PRKCE: variants seen among roughly 807,000 people sequenced by gnomAD.
PRKCE encodes protein kinase C epsilon, also known as protein kinase C epsilon type.
In PRKCE, 16 loss-of-function variants were observed where a neutral mutation model predicts 85.4. The ratio of observed to expected loss-of-function variants is 0.19; its 90% CI spans 0.13 to 0.28. The LOEUF is 0.28. Ranked by LOEUF, PRKCE falls within the 10% of genes least tolerant of loss-of-function variation. PRKCE has a pLI of 1.00. For synonymous variants in PRKCE, 388 were observed against 371.5 expected, an observed-to-expected ratio of 1.04 and a Z score of -0.51; for missense variants, 573 against 975.2, an observed-to-expected ratio of 0.59 and a Z score of 5.49.
intron 2 of PRKCE, among the ~76,000 whole-genome samples, chr2:45,963,045 G>T (rs1199074048): frequency 6.6e-6 from 1 of 152,170 alleles, no homozygotes; most frequent in Non-Finnish European, 1.5e-5. Flanking sequence ...TCTGTGGAAA[G>T]ACTTGGGGCT....
At chr2:46,116,172 T>C (rs1349018453) in intron 11 of PRKCE, among the ~76,000 whole-genome samples, 1 of 152,194 alleles carries the variant, frequency 6.6e-6, no homozygotes, top group African/African-American at 2.4e-5. Flanking sequence ...TCAGAGACCA[T>C]GACCTCACCT....
intron 1 of PRKCE, among the ~76,000 whole-genome samples, chr2:45,736,566 T>A (rs1682080397): frequency 6.6e-6 from 1 of 152,190 alleles, no homozygotes; most frequent in South Asian, 2.1e-4. Flanking sequence ...TGGAGTCTAC[T>A]CCTCGCTCTG....
intron 11 of PRKCE, among the ~76,000 whole-genome samples, chr2:46,141,663 G>T (rs1320748954): frequency 6.6e-6 from 1 of 152,074 alleles, no homozygotes; most frequent in African/African-American, 2.4e-5. Flanking sequence ...TATTGGGAAA[G>T]AAATTTTGCT....
chr2:45,722,503 C>A (rs1248158242), intron 1 of PRKCE, among the ~76,000 whole-genome samples: 2 of 152,222 alleles, frequency 1.3e-5, no homozygotes, highest in African/African-American at 2.4e-5. Flanking sequence ...ACTTTGGGAA[C>A]CACTGCTTAC....
intron 11 of PRKCE, among the ~76,000 whole-genome samples, chr2:46,129,243 C>T (rs1336076484): frequency 6.6e-6 from 1 of 152,150 alleles, no homozygotes; most frequent in East Asian, 1.9e-4. Flanking sequence ...ATGGTTTTCT[C>T]CTTGTTTCAC....
intron 2 of PRKCE, among the ~76,000 whole-genome samples, chr2:45,912,111 C>T (rs903389780): frequency 5.3e-5 from 8 of 152,076 alleles, no homozygotes; most frequent in Non-Finnish European, 7.4e-5. Context: ...GTCATAGCTA[C>T]GCCCCTCTCA....
At position 46,161,520 on chromosome 2, in the gene PRKCE, A is replaced by G. The variant is rs181626685; in HGVS notation, c.2067+1768A>G. Among the ~76,000 whole-genome samples the G allele has an allele frequency of 9.3e-4, 142 of 152,196 alleles. 1 individual carries two copies. Among genetic ancestry groups the G allele is most frequent in the African/African-American group, 3.2e-3 (132 of 41,532 alleles). On this transcript the variant is annotated intron_variant, in intron 14 of 14. Coordinates refer to ENST00000306156, the MANE Select transcript of PRKCE (RefSeq NM_005400.3). ...AGCAAAACCACATTAAACCAGGCTT[A>G]TGGAGCACCAGGCCCCAGCTGTACT...
chr2:45,696,450 C>G (rs1264024199), intron 1 of PRKCE, among the ~76,000 whole-genome samples: 1 of 151,932 alleles, frequency 6.6e-6, no homozygotes, highest in Non-Finnish European at 1.5e-5. Flanking sequence ...GGAAGTGCAC[C>G]CATCTCCTGG....
chr2:45,723,665 C>T (rs368355526), intron 1 of PRKCE, among the ~76,000 whole-genome samples: 7 of 152,096 alleles, frequency 4.6e-5, no homozygotes, highest in Non-Finnish European at 8.8e-5. Context: ...AGTGCAGTGG[C>T]GCGATCTCGG....
chr2:46,048,643 T>C (rs1456248247), intron 10 of PRKCE, among the ~76,000 whole-genome samples: 1 of 152,216 alleles, frequency 6.6e-6, no homozygotes, highest in East Asian at 1.9e-4. Context: ...AGACGGATGA[T>C]AGCTGGAAGT....
intron 1 of PRKCE, among the ~76,000 whole-genome samples, chr2:45,656,448 G>C (rs1675384654): frequency 6.6e-6 from 1 of 152,204 alleles, no homozygotes; most frequent in African/African-American, 2.4e-5. Context: ...TTTCAGTTGT[G>C]ATGACAAAGG....
At chr2:46,152,167 A>G (rs140727847) in intron 13 of PRKCE, among the ~76,000 whole-genome samples, 3 of 152,100 alleles carry the variant, frequency 2.0e-5, no homozygotes, top group East Asian at 1.9e-4. Context: ...ACCTGATTAT[A>G]TGTATTTTAC....
intron 2 of PRKCE, among the ~76,000 whole-genome samples, chr2:45,932,660 C>T (rs1233559578): frequency 6.6e-6 from 1 of 152,040 alleles, no homozygotes; most frequent in Non-Finnish European, 1.5e-5. Flanking sequence ...TTAAATTTAC[C>T]ATTTTAAGTG....
At chr2:45,708,350 G>A (rs897777679) in intron 1 of PRKCE, among the ~76,000 whole-genome samples, 4 of 152,314 alleles carry the variant, frequency 2.6e-5, no homozygotes, top group Non-Finnish European at 1.5e-5. Flanking sequence ...TGGCTTGGCT[G>A]TGTCCCCACC....
intron 2 of PRKCE, among the ~76,000 whole-genome samples, chr2:45,948,146 A>C (rs1044109177): frequency 1.3e-5 from 2 of 152,218 alleles, no homozygotes; most frequent in African/African-American, 4.8e-5. Context: ...ATTAGTGTTC[A>C]TGTTACATCT....
intron 1 of PRKCE, among the ~76,000 whole-genome samples, chr2:45,733,737 C>A (rs1453080522): frequency 6.6e-6 from 1 of 152,216 alleles, no homozygotes; most frequent in Non-Finnish European, 1.5e-5. Flanking sequence ...GTCTCTCTTC[C>A]CCCAAAGTCG....
intron 1 of PRKCE, among the ~76,000 whole-genome samples, chr2:45,734,709 C>T (rs945378567): frequency 1.3e-5 from 2 of 152,098 alleles, no homozygotes; most frequent in African/African-American, 2.4e-5. Context: ...ATGCGCAGAT[C>T]CCCCCTGCAG....
rs536117941 is a variant in PRKCE at position 45,913,817 on chromosome 2, CA to C, written c.413-62611del. 7.9e-5 allele frequency among the ~76,000 whole-genome samples: 12 copies of C among 152,254 alleles called. No homozygotes were observed. The East Asian group carries it at 2.3e-3, about 29-fold the overall frequency. On this transcript the variant is annotated intron_variant, in intron 2 of 14. Transcript: ENST00000306156. Reference sequence around the variant, plus strand: ...TCAGGGAGAGGAGCCAGTGTATAAACAGACACATTACAGCCCAACACAATGT... The same window carrying C: ...TCAGGGAGAGGAGCCAGTGTATAAACGACACATTACAGCCCAACACAATGT...
chr2:45,917,753 G>A (rs879460287), intron 2 of PRKCE, among the ~76,000 whole-genome samples: 3 of 152,192 alleles, frequency 2.0e-5, no homozygotes, highest in South Asian at 2.1e-4. Flanking sequence ...CCGGCCGCAC[G>A]GGAGCTCACG....
Sources: allele counts gnomAD v4.1 joint callset (sites outside exome capture counted in the v4.1 genomes callset), GRCh38; gene constraint gnomAD v4.1.1; transcripts MANE v1.5; gene names NCBI Gene and HGNC (gene_info 2026-07-23, HGNC 2026-07-21).